TEX11: variants seen among roughly 807,000 people sequenced by gnomAD.
TEX11 encodes testis expressed 11, also known as testis-expressed protein 11.
In TEX11, 7 loss-of-function variants were observed where a neutral mutation model predicts 84.4. The ratio of observed to expected loss-of-function variants is 0.08; its 90% CI spans 0.05 to 0.16. TEX11 has a LOEUF of 0.16. Among genes scored for constraint, TEX11 ranks in the 10% least tolerant of loss-of-function variants. TEX11 has a pLI of 1.00. For synonymous variants in TEX11, 264 were observed against 222.8 expected, an observed-to-expected ratio of 1.18 and a Z score of -1.64; for missense variants, 551 against 660.5, an observed-to-expected ratio of 0.83 and a Z score of 1.82.
At chrX:70,711,416 G>C (rs969716238) in intron 13 of TEX11, among the ~76,000 whole-genome samples, 1 of 109,611 alleles carries the variant, frequency 9.1e-6, no homozygotes, top group African/African-American at 3.3e-5. Context: ...CAGTGTAAAA[G>C]TGTTCCTATT....
Position 70,658,090 on chromosome X carries a change from A to G in TEX11, c.1381-6538T>C, listed in dbSNP as rs2089889450. ...TAAAGTATAATAATAAAAATTTAAA[A>G]AATGATACAAGATATGAAAGATCAA... On this transcript the variant is annotated intron_variant, in intron 16 of 29. Coordinates refer to ENST00000374333, the MANE Select transcript of TEX11 (RefSeq NM_031276.3). 2.7e-5 allele frequency among the ~76,000 whole-genome samples: 3 copies of G among 111,211 alleles called. No homozygotes were observed. The South Asian group carries it at 1.1e-3, about 42-fold the overall frequency.
At chrX:70,787,083 A>G (rs770373194) in intron 9 of TEX11, among the ~76,000 whole-genome samples, 6 of 111,671 alleles carry the variant, frequency 5.4e-5, no homozygotes, top group Non-Finnish European at 1.1e-4. Context: ...GCAGTGAGCC[A>G]AGATTGTGCC....
intron 5 of TEX11, among the ~76,000 whole-genome samples, chrX:70,856,921 G>A (rs2147855345): frequency 9.0e-6 from 1 of 111,499 alleles, no homozygotes; most frequent in African/African-American, 3.3e-5. Context: ...TACAAAGTAT[G>A]GATTATCTTT....
At position 70,860,849 on chromosome X, in the gene TEX11, AG is replaced by A; in HGVS notation, c.324+7del. 8.6e-7 allele frequency: 1 copy of A among 1,164,345 alleles called. No homozygotes were observed. Among genetic ancestry groups the A allele is most frequent in the Non-Finnish European group, 1.2e-6 (1 of 858,406 alleles). ...TTCATCTCCACTTTCTCCTAAATTA[AG>A]ACTTACCATAATCAGTCGTTGAATA... On this transcript the variant is annotated splice_region_variant and intron_variant, in intron 5 of 29. Coordinates refer to ENST00000374333, the MANE Select transcript of TEX11 (RefSeq NM_031276.3).
the TEX11 span, among the ~76,000 whole-genome samples, chrX:70,513,539 G>A: frequency 0.084 from 8,833 of 105,759 alleles, 778 homozygotes; most frequent in Admixed American, 0.25. Flanking sequence ...TGCCCCAGCT[G>A]GAGTGCAGTG....
intron 24 of TEX11, among the ~76,000 whole-genome samples, chrX:70,592,379 C>T (rs998301276): frequency 9.0e-6 from 1 of 111,556 alleles, no homozygotes; most frequent in African/African-American, 3.2e-5. Context: ...CCTCCAGTTT[C>T]TGGGCTAGGG....
intron 7 of TEX11, among the ~76,000 whole-genome samples, chrX:70,848,181 T>C (rs2091489366): frequency 1.8e-5 from 2 of 112,272 alleles, no homozygotes; most frequent in South Asian, 7.4e-4. Context: ...ATCACCCCAG[T>C]ACCTTTAGGA....
At chrX:70,815,111 C>T (rs947741416) in intron 8 of TEX11, among the ~76,000 whole-genome samples, 14 of 111,805 alleles carry the variant, frequency 1.3e-4, no homozygotes, top group African/African-American at 4.5e-4. Context: ...AGTGAAATGT[C>T]TCACAACTAG....
Position 70,898,065 on chromosome X carries a change from T to C in TEX11, c.37+9688A>G, listed in dbSNP as rs149053876. ...CTTGTAAAATTTAGTTCAACAAACA[T>C]TTCTTGAATGCCTGGTGTCTTGCTA... On this transcript the variant is annotated intron_variant, in intron 2 of 29. Coordinates refer to ENST00000374333, the MANE Select transcript of TEX11 (RefSeq NM_031276.3). Among the ~76,000 whole-genome samples, 706 of 111,579 alleles carry C rather than the reference T, an allele frequency of 6.3e-3. 3 individuals are homozygous for C. The highest frequency in any genetic ancestry group is 0.022 in the African/African-American group (669 of 30,737).
At chrX:70,787,171 T>C (rs1366243802) in intron 9 of TEX11, among the ~76,000 whole-genome samples, 4 of 111,593 alleles carry the variant, frequency 3.6e-5, no homozygotes, top group African/African-American at 6.5e-5. Context: ...AATTCAACAT[T>C]TTTTCATTAT....
intron 25 of TEX11, among the ~76,000 whole-genome samples, chrX:70,578,417 A>G (rs952945578): frequency 1.8e-5 from 2 of 111,781 alleles, no homozygotes; most frequent in African/African-American, 3.2e-5. Flanking sequence ...TTGTTGTTCT[A>G]TTTGTTCATT....
chrX:70,703,945 T>C (rs2090346994), intron 13 of TEX11, among the ~76,000 whole-genome samples: 1 of 111,514 alleles, frequency 9.0e-6, no homozygotes, highest in Admixed American at 9.5e-5. Context: ...TAGTCTCCAG[T>C]GTTGGAGGTC....
intron 11 of TEX11, among the ~76,000 whole-genome samples, chrX:70,727,820 C>A (rs1417082428): frequency 9.0e-6 from 1 of 110,549 alleles, no homozygotes; most frequent in Non-Finnish European, 1.9e-5. Flanking sequence ...ATCTTCAAAC[C>A]AAGACAAAGG....
intron 11 of TEX11, among the ~76,000 whole-genome samples, chrX:70,735,967 T>G (rs1054727815): frequency 1.8e-5 from 2 of 111,833 alleles, no homozygotes; most frequent in Admixed American, 1.9e-4. Context: ...GTTGTTTGTC[T>G]TCTTATTGAA....
intron 14 of TEX11, among the ~76,000 whole-genome samples, chrX:70,679,583 CTGG>C (rs1413718366): frequency 2.7e-5 from 3 of 109,428 alleles, no homozygotes; most frequent in Non-Finnish European, 3.8e-5. Flanking sequence ...GACCCTCTGC[CTGG>C]CAACCGCCCC....
the TEX11 span, among the ~76,000 whole-genome samples, chrX:70,518,569 A>T: frequency 1.8e-5 from 2 of 111,784 alleles, no homozygotes; most frequent in Non-Finnish European, 3.8e-5. Flanking sequence ...GGAATAAGTG[A>T]GATGTGGTGC....
intron 11 of TEX11, among the ~76,000 whole-genome samples, chrX:70,737,691 C>A (rs1160731569): frequency 9.2e-6 from 1 of 108,359 alleles, no homozygotes; most frequent in Non-Finnish European, 1.9e-5. Context: ...ATACCCCCCC[C>A]CCAAAAAAAG....
chrX:70,671,733 A>G (rs1292104876), intron 15 of TEX11, among the ~76,000 whole-genome samples: 1 of 107,992 alleles, frequency 9.3e-6, no homozygotes, highest in Non-Finnish European at 1.9e-5. Flanking sequence ...TCTTGGGTCT[A>G]ATTCTTTGTT....
intron 9 of TEX11, among the ~76,000 whole-genome samples, chrX:70,794,526 G>T (rs1312617952): frequency 9.1e-6 from 1 of 109,600 alleles, no homozygotes; most frequent in Non-Finnish European, 1.9e-5. Context: ...CCTCCCCCAA[G>T]CCCAGGCAGC....
Sources: allele counts gnomAD v4.1 joint callset (sites outside exome capture counted in the v4.1 genomes callset), GRCh38; gene constraint gnomAD v4.1.1; transcripts MANE v1.5; gene names NCBI Gene and HGNC (gene_info 2026-07-23, HGNC 2026-07-21).